Variants in TBC1D5 observed in about 807,000 individuals in gnomAD.
The protein encoded by TBC1D5 is TBC1 domain family, member 5.
In TBC1D5, 75 loss-of-function variants were observed where a neutral mutation model predicts 100.3. The ratio of observed to expected loss-of-function variants is 0.75; its 90% CI spans 0.62 to 0.91. TBC1D5 has a LOEUF of 0.91. Ranked by LOEUF, TBC1D5 falls within the 40% of genes least tolerant of loss-of-function variation. The probability of loss-of-function intolerance (pLI) is 0.00; values close to 1 mark genes in which losing one functional copy is unlikely to be tolerated. For missense variants in TBC1D5, 910 were observed against 942.4 expected (o/e 0.97, Z 0.45); for synonymous variants, 323 against 325.6 (o/e 0.99, Z 0.09).
chr3:17,629,099 C>G (rs1052139553), intron 1 of TBC1D5, among the ~76,000 whole-genome samples: 1 of 152,166 alleles, frequency 6.6e-6, no homozygotes, highest in Non-Finnish European at 1.5e-5. Flanking sequence ...TATCAAATAT[C>G]TATTTAGCTT....
chr3:17,719,424 T>G (rs1050006502), intron 1 of TBC1D5, among the ~76,000 whole-genome samples: 5 of 152,216 alleles, frequency 3.3e-5, no homozygotes, highest in Non-Finnish European at 5.9e-5. Context: ...AGTATTATTT[T>G]TTTAAATGGA....
exon 22 of TBC1D5, chr3:17,159,828 G>A (rs749881926): frequency 6.6e-6 from 1 of 152,268 alleles, no homozygotes; most frequent in Non-Finnish European, 1.5e-5. Flanking sequence ...AAGGGAAGGG[G>A]TTGTGTAGAA....
At chr3:17,605,480 C>T (rs2061279455) in intron 2 of TBC1D5, among the ~76,000 whole-genome samples, 1 of 152,154 alleles carries the variant, frequency 6.6e-6, no homozygotes, top group African/African-American at 2.4e-5. Flanking sequence ...CTCAGCAGCA[C>T]CTGTGATTTT....
At chr3:17,570,272 C>T (rs2096618939) in intron 2 of TBC1D5, among the ~76,000 whole-genome samples, 1 of 151,948 alleles carries the variant, frequency 6.6e-6, no homozygotes, top group Non-Finnish European at 1.5e-5. Flanking sequence ...TTATCAGAAG[C>T]ATTGTCAAAT....
chr3:17,223,577 C>A (rs1463287870), intron 17 of TBC1D5, among the ~76,000 whole-genome samples: 1 of 152,142 alleles, frequency 6.6e-6, no homozygotes, highest in African/African-American at 2.4e-5. Flanking sequence ...AAAGACTACG[C>A]TGGCGGGGTG....
At chr3:17,302,595 T>G (rs2082970107) in intron 14 of TBC1D5, among the ~76,000 whole-genome samples, 1 of 152,162 alleles carries the variant, frequency 6.6e-6, no homozygotes, top group Non-Finnish European at 1.5e-5. Context: ...TTTGAGAAAC[T>G]GATGAAAACT....
At position 17,228,123 on chromosome 3, in the gene TBC1D5, T is replaced by C. The variant is rs549149629; in HGVS notation, c.1588+10040A>G. ...TTGGTTGAGTGGACCATCTGTTGCG[T>C]TGGTCCAGGCAAGAGATTATGGCCT... On this transcript the variant is annotated intron_variant, in intron 17 of 21. Transcript: ENST00000253692. Among the ~76,000 whole-genome samples, 5 of 152,254 alleles carry C rather than the reference T, an allele frequency of 3.3e-5. No homozygotes were observed. In the East Asian group the frequency reaches 9.7e-4, roughly 29 times the overall value.
chr3:17,351,149 TGTA>T (rs2090528845), intron 13 of TBC1D5, among the ~76,000 whole-genome samples: 1 of 152,192 alleles, frequency 6.6e-6, no homozygotes. Context: ...TAGGGAGACT[TGTA>T]GTACAAATAC....
intron 1 of TBC1D5, among the ~76,000 whole-genome samples, chr3:17,636,394 T>C (rs1311283234): frequency 6.6e-6 from 1 of 152,164 alleles, no homozygotes; most frequent in East Asian, 1.9e-4. Flanking sequence ...GGTCATGCAA[T>C]GAACTAGTAA....
At chr3:17,605,301 A>T (rs2061268240) in intron 2 of TBC1D5, among the ~76,000 whole-genome samples, 1 of 152,228 alleles carries the variant, frequency 6.6e-6, no homozygotes, top group Admixed American at 6.5e-5. Flanking sequence ...CCACACAATT[A>T]AAACAAACAC....
chr3:17,641,896 G>A (rs1218085632), intron 1 of TBC1D5, among the ~76,000 whole-genome samples: 6 of 152,082 alleles, frequency 3.9e-5, no homozygotes, highest in African/African-American at 7.2e-5. Flanking sequence ...GCAGACTAAT[G>A]ACTTTTTTCC....
In TBC1D5 at chr3:17,696,221, T is replaced by C. The variant is rs557340408; in HGVS notation, c.-101+43122A>G. Among the ~76,000 whole-genome samples the C allele has an allele frequency of 1.6e-3, 244 of 151,722 alleles. 1 individual carries two copies. The highest frequency in any genetic ancestry group is 6.8e-3 in the Middle Eastern group (2 of 294). On this transcript the variant is annotated intron_variant, in intron 1 of 21. Transcript: ENST00000253692. Reference sequence around the variant, plus strand: ...AAGGAAGAGCAAACAAAAAAAAAGCTAGCAGAAGGCAAGAAATAACTAAGA... The same window carrying C: ...AAGGAAGAGCAAACAAAAAAAAAGCCAGCAGAAGGCAAGAAATAACTAAGA...
chr3:17,668,660 C>T (rs1283827276), intron 1 of TBC1D5, among the ~76,000 whole-genome samples: 4 of 152,056 alleles, frequency 2.6e-5, no homozygotes, highest in South Asian at 2.1e-4. Context: ...TTCCAGTGAG[C>T]AAACAATTCA....
chr3:17,561,276 CAT>C (rs2153475092), intron 2 of TBC1D5, among the ~76,000 whole-genome samples: 1 of 152,234 alleles, frequency 6.6e-6, no homozygotes, highest in African/African-American at 2.4e-5. Flanking sequence ...ATTTCATACA[CAT>C]ATCATACATA....
At chr3:17,703,749 T>C (rs1172579350) in intron 1 of TBC1D5, among the ~76,000 whole-genome samples, 1 of 152,116 alleles carries the variant, frequency 6.6e-6, no homozygotes, top group Non-Finnish European at 1.5e-5. Context: ...CTCATACATA[T>C]GAGAGTCTGG....
At chr3:17,562,504 C>A (rs1296282271) in intron 2 of TBC1D5, among the ~76,000 whole-genome samples, 2 of 150,312 alleles carry the variant, frequency 1.3e-5, no homozygotes, top group Non-Finnish European at 3.0e-5. Context: ...AGTAAGACTG[C>A]ATGACTTAAA....
intron 2 of TBC1D5, among the ~76,000 whole-genome samples, chr3:17,531,529 C>G (rs1297954552): frequency 4.6e-5 from 7 of 152,164 alleles, no homozygotes; most frequent in East Asian, 1.9e-4. Flanking sequence ...ATTGCCAAGT[C>G]AATCCTAAGC....
intron 8 of TBC1D5, among the ~76,000 whole-genome samples, chr3:17,394,126 T>G (rs1256026107): frequency 6.6e-6 from 1 of 152,068 alleles, no homozygotes; most frequent in African/African-American, 2.4e-5. Flanking sequence ...TGGTCCAAAA[T>G]GTTAATACTC....
intron 13 of TBC1D5, among the ~76,000 whole-genome samples, chr3:17,359,038 A>G (rs2091475350): frequency 6.6e-6 from 1 of 152,034 alleles, no homozygotes; most frequent in South Asian, 2.1e-4. Flanking sequence ...CTGCATTTAA[A>G]TTCTGTTACA....
Sources: allele counts gnomAD v4.1 joint callset (sites outside exome capture counted in the v4.1 genomes callset), GRCh38; gene constraint gnomAD v4.1.1; transcripts MANE v1.5; gene names NCBI Gene and HGNC (gene_info 2026-07-23, HGNC 2026-07-21).